SPOCK1: variants seen among roughly 807,000 people sequenced by gnomAD.
SPOCK1 encodes SPARC (osteonectin), cwcv and kazal like domains proteoglycan 1, also known as testican-1.
In SPOCK1, 23 loss-of-function variants were observed where a neutral mutation model predicts 55.3. That is an observed-to-expected ratio of 0.42 (90% CI 0.30 to 0.59). The LOEUF is 0.59. Among genes scored for constraint, SPOCK1 ranks in the 20% least tolerant of loss-of-function variants. The probability of loss-of-function intolerance (pLI) is 0.22; values close to 1 mark genes in which losing one functional copy is unlikely to be tolerated. For synonymous variants in SPOCK1, 226 were observed against 221.0 expected (o/e 1.02, Z -0.20); for missense variants, 499 against 552.5 (o/e 0.90, Z 0.97).
At chr5:137,488,449 G>A (rs1347313646) in intron 2 of SPOCK1, among the ~76,000 whole-genome samples, 1 of 152,108 alleles carries the variant, frequency 6.6e-6, no homozygotes, top group Non-Finnish European at 1.5e-5. Context: ...ACCTGCTAAA[G>A]CCTATGCTCT....
intron 2 of SPOCK1, among the ~76,000 whole-genome samples, chr5:137,342,668 G>A (rs1231613713): frequency 2.0e-5 from 3 of 152,226 alleles, no homozygotes; most frequent in Non-Finnish European, 4.4e-5. Context: ...AAGAAATCTG[G>A]CTAGAGTTTC....
chr5:137,479,929 A>G (rs569508908), intron 2 of SPOCK1, among the ~76,000 whole-genome samples: 3 of 152,310 alleles, frequency 2.0e-5, no homozygotes, highest in African/African-American at 7.2e-5. Context: ...GGCCCTCTAG[A>G]GGGCATACCT....
At chr5:137,363,903 T>G (rs1751002259) in intron 2 of SPOCK1, among the ~76,000 whole-genome samples, 1 of 152,214 alleles carries the variant, frequency 6.6e-6, no homozygotes, top group South Asian at 2.1e-4. Context: ...ATGCTCAGAA[T>G]GGGCCTGGTA....
Position 137,403,347 on chromosome 5 carries a change from G to A in SPOCK1, c.186+95026C>T, listed in dbSNP as rs577636765. On this transcript the variant is annotated intron_variant, in intron 2 of 10. Coordinates refer to ENST00000394945, the MANE Select transcript of SPOCK1 (RefSeq NM_004598.4). ...AAGCACCTGGAAACACTCAGAAAACGGGAACATCCAACAACACATATTTAT... is the reference window on the plus strand; with the variant it reads ...AAGCACCTGGAAACACTCAGAAAACAGGAACATCCAACAACACATATTTAT... Among the ~76,000 whole-genome samples the A allele has an allele frequency of 3.3e-5, 5 of 152,184 alleles. No homozygotes were observed. In the South Asian group the frequency reaches 6.2e-4, roughly 19 times the overall value.
intron 5 of SPOCK1, among the ~76,000 whole-genome samples, chr5:137,071,466 G>A (rs534373211): frequency 3.9e-5 from 6 of 152,260 alleles, no homozygotes; most frequent in South Asian, 2.1e-4. Flanking sequence ...CAAGGGAAGC[G>A]TCACAAACAT....
At chr5:137,208,720 G>A (rs1384396381) in intron 3 of SPOCK1, among the ~76,000 whole-genome samples, 2 of 152,108 alleles carry the variant, frequency 1.3e-5, no homozygotes, top group African/African-American at 4.8e-5. Context: ...TGGGAGGGAG[G>A]AAATGGGGCA....
At chr5:137,146,781 TCTTTC>T (rs1754202916) in intron 3 of SPOCK1, among the ~76,000 whole-genome samples, 1 of 152,122 alleles carries the variant, frequency 6.6e-6, no homozygotes, top group South Asian at 2.1e-4. Flanking sequence ...TCCTCACAAT[TCTTTC>T]CTTTCATATT....
chr5:137,421,260 G>T (rs1478519783), intron 2 of SPOCK1, among the ~76,000 whole-genome samples: 1 of 152,180 alleles, frequency 6.6e-6, no homozygotes, highest in Non-Finnish European at 1.5e-5. Context: ...GTGCTGAGAA[G>T]AATGTATATT....
chr5:137,486,013 C>T (rs539424247), intron 2 of SPOCK1, among the ~76,000 whole-genome samples: 1 of 152,306 alleles, frequency 6.6e-6, no homozygotes, highest in East Asian at 1.9e-4. Context: ...AAACACACTC[C>T]CTACCAATCC....
In SPOCK1 at chr5:137,037,642, C is replaced by T. The variant is rs184321824; in HGVS notation, c.589+30073G>A. Among the ~76,000 whole-genome samples, 405 of 152,342 alleles carry T rather than the reference C, an allele frequency of 2.7e-3. 2 individuals carry two copies. The highest frequency in any genetic ancestry group is 0.01 in the Middle Eastern group (3 of 294). ...GGAGCAAGATCAGCATACATATACT[C>T]CCTTAGCCTCACTTGCAGATTTCTC... On this transcript the variant is annotated intron_variant, in intron 6 of 10. Transcript: ENST00000394945.
rs537116765 is a variant in SPOCK1, at chr5:137,387,830, C to G, written c.186+110543G>C. Among the ~76,000 whole-genome samples, 197 of 151,664 alleles carry G rather than the reference C, an allele frequency of 1.3e-3. 1 individual carries two copies. Among genetic ancestry groups the G allele is most frequent in the Non-Finnish European group, 2.3e-3 (159 of 67,970 alleles). On this transcript the variant is annotated intron_variant, in intron 2 of 10. Transcript: ENST00000394945. ...GCTATATGGGAAATCTCTGTACTTTCCTCTCATTTTTGCTGTAAATTTAAA... is the reference window on the plus strand; with the variant it reads ...GCTATATGGGAAATCTCTGTACTTTGCTCTCATTTTTGCTGTAAATTTAAA...
intron 6 of SPOCK1, among the ~76,000 whole-genome samples, chr5:137,024,038 G>A (rs1751622415): frequency 7.0e-6 from 1 of 142,384 alleles, no homozygotes; most frequent in Admixed American, 7.5e-5. Flanking sequence ...ATCTTCTTAG[G>A]CATGCAACCT....
intron 2 of SPOCK1, among the ~76,000 whole-genome samples, chr5:137,360,686 C>T (rs1258074063): frequency 1.3e-5 from 2 of 152,190 alleles, no homozygotes; most frequent in African/African-American, 4.8e-5. Context: ...ACAGTAACTA[C>T]TAATTTCTTT....
chr5:137,359,475 A>G (rs972810350), intron 2 of SPOCK1, among the ~76,000 whole-genome samples: 4 of 152,248 alleles, frequency 2.6e-5, no homozygotes, highest in Non-Finnish European at 5.9e-5. Flanking sequence ...CAATAAAAAT[A>G]ATAGCTTCCA....
chr5:136,978,320 G>C lies in SPOCK1; in HGVS notation c.*334C>G, dbSNP rs1474974162. ...CAAAAAGGGTCTTTGACATTTAAGA[G>C]GGTTGGGGCTCCCTGCACTGTCAGA... On this transcript the variant is annotated 3_prime_UTR_variant, in exon 11 of 11. Transcript: ENST00000394945. 6.1e-6 allele frequency: 2 copies of C among 328,530 alleles called. No individual in the cohort carries two copies. The highest frequency in any genetic ancestry group is 1.1e-5 in the Non-Finnish European group (2 of 182,690). 20.4% of individuals were successfully genotyped at this position (328,530 alleles called of 1,614,324 possible).
chr5:137,124,186 A>ACATATTTCAATTAGTTTGCAG (rs1406712637), intron 4 of SPOCK1, among the ~76,000 whole-genome samples: 9 of 152,314 alleles, frequency 5.9e-5, no homozygotes, highest in African/African-American at 2.2e-4. Context: ...GCAGGAAATC[A>ACATATTTCAATTAGTTTGCAG]CATATTTCAA....
At chr5:137,273,453 T>C (rs1355100414) in intron 2 of SPOCK1, 3 of 887,898 alleles carry the variant, frequency 3.4e-6, no homozygotes, top group African/African-American at 1.8e-5. Context: ...AAGAAATGTA[T>C]ACATTTTTGA....
intron 2 of SPOCK1, among the ~76,000 whole-genome samples, chr5:137,360,395 C>T (rs1005038285): frequency 6.6e-5 from 10 of 152,200 alleles, no homozygotes; most frequent in African/African-American, 1.7e-4. Context: ...TCCCTAAAGT[C>T]GCCAGAAGGC....
intron 3 of SPOCK1, among the ~76,000 whole-genome samples, chr5:137,198,278 G>A (rs1755342558): frequency 1.3e-5 from 2 of 152,204 alleles, no homozygotes; most frequent in African/African-American, 4.8e-5. Flanking sequence ...TTCTGCATAT[G>A]TCCTTGTCCT....
Sources: allele counts gnomAD v4.1 joint callset (sites outside exome capture counted in the v4.1 genomes callset), GRCh38; gene constraint gnomAD v4.1.1; transcripts MANE v1.5; gene names NCBI Gene and HGNC (gene_info 2026-07-23, HGNC 2026-07-21).